Variants in UGT2A1 observed in about 807,000 individuals in gnomAD.
UGT2A1 encodes the protein UDP-glucuronosyltransferase 2A1.
In UGT2A1, 61 loss-of-function variants were observed where a neutral mutation model predicts 45.4. That is an observed-to-expected ratio of 1.34 (90% confidence interval 1.09 to 1.66). UGT2A1 has a LOEUF of 1.66. Ranked by LOEUF, UGT2A1 falls within the 40% of genes most tolerant of loss-of-function variation. The pLI is 0.00. For synonymous variants in UGT2A1, 229 were observed against 196.2 expected (o/e 1.17, Z -1.40); for missense variants, 649 against 574.3 (o/e 1.13, Z -1.33).
chr4:69,636,079 T>A (rs1181262908), intron 2 of UGT2A1, among the ~76,000 whole-genome samples: 2 of 152,132 alleles, frequency 1.3e-5, no homozygotes, highest in Non-Finnish European at 2.9e-5. Context: ...AGAAAACAAG[T>A]TTTTTAACTG....
intron 5 of UGT2A1, 50 bp downstream of exon 5, chr4:69,595,112 T>C (rs1191561141): frequency 8.7e-6 from 14 of 1,603,170 alleles, no homozygotes; most frequent in Non-Finnish European, 1.1e-5. Context: ...AACAGTTACT[T>C]AACTTGTCTA....
chr4:69,635,888 A>T (rs1226496487), intron 2 of UGT2A1, 66 bp from the exon 3 acceptor site: 1 of 148,176 alleles, frequency 6.7e-6, no homozygotes, highest in African/African-American at 2.5e-5. Flanking sequence ...GTTAAATTTG[A>T]TGGTGCCATG....
At chr4:69,595,845 C>T (rs941353274) in intron 4 of UGT2A1, among the ~76,000 whole-genome samples, 16 of 152,124 alleles carry the variant, frequency 1.1e-4, no homozygotes, top group African/African-American at 2.9e-4. Context: ...CCTAGACATT[C>T]GAATTATATT....
At chr4:69,625,446 G>A (rs1458256553) in intron 3 of UGT2A1, among the ~76,000 whole-genome samples, 1 of 150,916 alleles carries the variant, frequency 6.6e-6, no homozygotes, top group Non-Finnish European at 1.5e-5. Context: ...TTGTGGGGAA[G>A]GGAGAAGTGA....
chr4:69,647,115 G>A lies in UGT2A1; in HGVS notation c.530C>T (p.Ser177Leu). ...FMYSLRFSPA[S>L]TVEKHCGKVP... ...CTTCCCACAGTGCTTTTCCACTGTTGAGGCTGGAGAAAACCTCAAGGAGTA... is the reference window on the plus strand; with the variant it reads ...CTTCCCACAGTGCTTTTCCACTGTTAAGGCTGGAGAAAACCTCAAGGAGTA... Residue 177 changes from serine (S) to leucine (L), a missense_variant, in exon 2 of 7, where the codon TCA becomes TTA. Transcript: ENST00000286604. 6.2e-7 allele frequency: 1 copy of A among 1,612,922 alleles called. No homozygotes were observed. Among genetic ancestry groups the A allele is most frequent in the Non-Finnish European group, 8.5e-7 (1 of 1,179,330 alleles).
At chr4:69,613,373 G>C (rs1577969452) in intron 3 of UGT2A1, among the ~76,000 whole-genome samples, 3 of 152,068 alleles carry the variant, frequency 2.0e-5, no homozygotes, top group South Asian at 2.1e-4. Flanking sequence ...CCCAGGACCT[G>C]AAGACTTTCA....
At chr4:69,632,383 C>A (rs911402723) in intron 3 of UGT2A1, among the ~76,000 whole-genome samples, 1 of 152,012 alleles carries the variant, frequency 6.6e-6, no homozygotes. Context: ...ACACACAGCA[C>A]CTTTCAGAAT....
intron 2 of UGT2A1, among the ~76,000 whole-genome samples, chr4:69,643,694 A>C (rs1054168420): frequency 6.6e-6 from 1 of 151,716 alleles, no homozygotes; most frequent in Non-Finnish European, 1.5e-5. Context: ...GAGATTAAGG[A>C]CTCACTCTGA....
intron 3 of UGT2A1, 71 bp from the exon 4 acceptor site, chr4:69,599,465 C>A: frequency 6.3e-7 from 1 of 1,577,482 alleles, no homozygotes; most frequent in Non-Finnish European, 8.5e-7. Context: ...AAAAAGCTAC[C>A]AGTAATTTCC....
chr4:69,647,762 T>TTCTTTCTAGAAAGAAAAGGCTTTC, intron 1 of UGT2A1, 64 bp from the exon 2 acceptor site: 1 of 681,402 alleles, frequency 1.5e-6, no homozygotes. Context: ...ATTAATATCC[T>TTCTTTCTAGAAAGAAAAGGCTTTC]TAAAAGCCTT....
rs989992355 is a variant in UGT2A1 at position 69,650,834 on chromosome 4, C to A, written c.-55+2354G>T. On this transcript the variant is annotated intron_variant, in intron 1 of 6. Transcript: ENST00000286604. ...TGTTTTCAGAGATCTGTAGAGATTA[C>A]TTCCAGCTTTTTGGGGGGATTAACG... Among the ~76,000 whole-genome samples, 6 of 152,036 alleles carry A rather than the reference C, an allele frequency of 3.9e-5. No homozygotes were observed. In the South Asian group the frequency reaches 1.2e-3, roughly 32 times the overall value.
At chr4:69,602,448 C>G (rs927718477) in intron 3 of UGT2A1, among the ~76,000 whole-genome samples, 2 of 115,178 alleles carry the variant, frequency 1.7e-5, no homozygotes, top group Non-Finnish European at 3.6e-5. Flanking sequence ...TTTAGAATAA[C>G]AAAGATTTAG....
intron 2 of UGT2A1, among the ~76,000 whole-genome samples, chr4:69,642,705 GTTA>G (rs1466255039): frequency 7.3e-5 from 11 of 151,536 alleles, no homozygotes; most frequent in Middle Eastern, 3.4e-3. Context: ...GCTAAAGTAT[GTTA>G]TTATAGATGG....
intron 1 of UGT2A1, among the ~76,000 whole-genome samples, chr4:69,650,332 A>G (rs796150909): frequency 3.3e-5 from 5 of 152,178 alleles, no homozygotes; most frequent in Admixed American, 2.6e-4. Flanking sequence ...TTTATAGTCT[A>G]TCAGTGGAAG....
intron 3 of UGT2A1, among the ~76,000 whole-genome samples, chr4:69,612,399 T>C (rs1720117175): frequency 6.6e-6 from 1 of 151,924 alleles, no homozygotes; most frequent in Admixed American, 6.6e-5. Context: ...ATAAAAACTA[T>C]TCTAAAATTT....
At chr4:69,596,232 A>G in intron 4 of UGT2A1, 2 of 1,503,006 alleles carry the variant, frequency 1.3e-6, no homozygotes, top group Non-Finnish European at 1.8e-6. Flanking sequence ...GTGTACCAGG[A>G]TTCCAGGCTG....
intron 2 of UGT2A1, chr4:69,638,776 G>A (rs1163603893): frequency 1.6e-6 from 2 of 1,219,258 alleles, no homozygotes; most frequent in African/African-American, 3.1e-5. Context: ...TGTTTGTACA[G>A]AGATATAAGA....
At chr4:69,597,018 A>G (rs1477834035) in intron 4 of UGT2A1, among the ~76,000 whole-genome samples, 1 of 152,196 alleles carries the variant, frequency 6.6e-6, no homozygotes. Flanking sequence ...TTGCAAACTC[A>G]TAAAAACAGT....
chr4:69,622,560 T>C (rs1257558325), intron 3 of UGT2A1, among the ~76,000 whole-genome samples: 2 of 151,754 alleles, frequency 1.3e-5, no homozygotes, highest in African/African-American at 2.4e-5. Context: ...ATCTATATAA[T>C]GGATACAATA....
Sources: allele counts gnomAD v4.1 joint callset (sites outside exome capture counted in the v4.1 genomes callset), GRCh38; gene constraint gnomAD v4.1.1; transcripts MANE v1.5; gene names NCBI Gene and HGNC (gene_info 2026-07-23, HGNC 2026-07-21).